ADGRE2: variants seen among roughly 807,000 people sequenced by gnomAD.
The protein encoded by ADGRE2 is adhesion G protein-coupled receptor E2, also known as CD97 antigen.
In ADGRE2, 83 loss-of-function variants were observed where a neutral mutation model predicts 100.8. The ratio of observed to expected loss-of-function variants is 0.82; its 90% CI spans 0.69 to 0.99. The LOEUF (loss-of-function observed/expected upper bound fraction) is 0.99. Among genes scored for constraint, ADGRE2 ranks in the 50% least tolerant of loss-of-function variants. The probability of loss-of-function intolerance (pLI) is 0.00; values close to 1 mark genes in which losing one functional copy is unlikely to be tolerated. For synonymous variants in ADGRE2, 355 were observed against 413.0 expected (o/e 0.86, Z 1.70); for missense variants, 814 against 1,035.7 (o/e 0.79, Z 2.94).
At position 14,743,627 on chromosome 19, in the gene ADGRE2, G is replaced by A. The variant is rs1290191706; in HGVS notation, c.2341C>T (p.Leu781Phe). 3.7e-6 allele frequency: 6 copies of A among 1,614,186 alleles called. No homozygotes were observed. Among genetic ancestry groups the A allele is most frequent in the Non-Finnish European group, 5.1e-6 (6 of 1,180,026 alleles). The change falls in exon 19 of 21, where the codon CTC (leucine) becomes TTC (phenylalanine). Residue 781 changes from leucine to phenylalanine, a missense_variant. This residue lies in a region of ADGRE2 where 569 missense variants were observed against 692.7 expected (regional missense o/e 0.82). Coordinates refer to ENST00000315576, the MANE Select transcript of ADGRE2 (RefSeq NM_013447.4). Reference sequence around the variant, plus strand: ...CTGGGCAGTGGTACCTGCTGGCTGAGGAGGCAGTACACCAGGAAGATGAAG... The same window carrying A: ...CTGGGCAGTGGTACCTGCTGGCTGAAGAGGCAGTACACCAGGAAGATGAAG... Reference protein sequence around the residue: ...GVFIFLVYCLLSQQVREQYGK... With the variant: ...GVFIFLVYCLFSQQVREQYGK...
intron 7 of ADGRE2, 101 bp from the exon 8 acceptor site, chr19:14,765,905 C>T (rs1450004420): frequency 3.7e-6 from 6 of 1,603,066 alleles, no homozygotes; most frequent in Admixed American, 1.7e-5. Context: ...TAGTGCCCCC[C>T]TTGGAGAGGT....
intron 18 of ADGRE2, among the ~76,000 whole-genome samples, chr19:14,744,240 T>C (rs112803267): frequency 0.15 from 14,698 of 100,108 alleles, 2,445 homozygotes; most frequent in African/African-American, 0.43. Flanking sequence ...AGCGAGACTC[T>C]GTCTCAAAAA....
chr19:14,751,939 T>A (rs1032426308), intron 15 of ADGRE2, among the ~76,000 whole-genome samples: 10 of 43,538 alleles, frequency 2.3e-4, no homozygotes, highest in African/African-American at 1.6e-3. Flanking sequence ...ATATTTTTTT[T>A]TTTTTTTTTT....
intron 11 of ADGRE2, among the ~76,000 whole-genome samples, chr19:14,760,652 C>T (rs1001557542): frequency 6.6e-6 from 1 of 152,058 alleles, no homozygotes; most frequent in Non-Finnish European, 1.5e-5. Flanking sequence ...CTCCCGCCCC[C>T]CTCAAAACCA....
chr19:14,765,183 G>T, intron 10 of ADGRE2, 137 bp downstream of exon 10: 1 of 852,768 alleles, frequency 1.2e-6, no homozygotes, highest in Non-Finnish European at 1.9e-6. Flanking sequence ...GCTTCCACCA[G>T]CCCTGAAAGA....
intron 11 of ADGRE2, among the ~76,000 whole-genome samples, chr19:14,763,775 C>T (rs372294024): frequency 1.5e-4 from 1 of 6,538 alleles, no homozygotes; most frequent in Non-Finnish European, 3.8e-4. Context: ...TCCTCCTCTC[C>T]TCCTCCTTTT....
intron 5 of ADGRE2, 195 bp downstream of exon 5, chr19:14,772,147 C>T (rs2044233910): frequency 1.1e-5 from 8 of 708,716 alleles, no homozygotes; most frequent in Non-Finnish European, 1.8e-5. Context: ...GTAGCTGGTC[C>T]CAGAGTTTTC....
rs1302660654 is a variant in ADGRE2, at chr19:14,736,345, C to T, written c.2464-101G>A. On this transcript the variant is annotated intron_variant, in intron 20 of 20. Transcript: ENST00000315576. ...GGCGCAGCCTCGACTCACTGTAACC[C>T]CCGCCTCCCAGGTTCAAGCAATTCT... 7 of 711,076 alleles carry T rather than the reference C, an allele frequency of 9.8e-6. No individual in the cohort carries two copies. The East Asian group carries it at 2.1e-4, about 21-fold the overall frequency. 44.0% of individuals were successfully genotyped at this position (711,076 alleles called of 1,614,324 possible).
intron 11 of ADGRE2, among the ~76,000 whole-genome samples, chr19:14,756,591 A>G (rs915762690): frequency 6.6e-6 from 1 of 152,242 alleles, no homozygotes; most frequent in Admixed American, 6.5e-5. Flanking sequence ...GAACAGACCT[A>G]TAACAGATTA....
At chr19:14,766,025 C>T in intron 7 of ADGRE2, 1 of 1,026,582 alleles carries the variant, frequency 9.7e-7, no homozygotes, top group Non-Finnish European at 1.4e-6. Flanking sequence ...GAGTCATCAG[C>T]TGTTGCCTGG....
In ADGRE2 at chr19:14,770,669, C is replaced by CTTTTTT. The variant is rs775214778; in HGVS notation, c.355+1667_355+1672dup. ...CTTTTTCTTTTTGTTTCTTTCTTTT[C>CTTTTTT]TTTTTTTTTTTTTTTTTTTTTTTTT... On this transcript the variant is annotated intron_variant, in intron 5 of 20. Transcript: ENST00000315576. 7.9e-4 allele frequency among the ~76,000 whole-genome samples: 67 copies of CTTTTTT among 84,978 alleles called. 2 individuals carry two copies. Among genetic ancestry groups the CTTTTTT allele is most frequent in the African/African-American group, 1.9e-3 (40 of 21,592 alleles). The allele number at this position is 84,978 out of a possible 152,430, so 55.7% of individuals were successfully genotyped here.
intron 14 of ADGRE2, 42 bp downstream of exon 14, chr19:14,754,912 A>C: frequency 1.3e-6 from 2 of 1,590,708 alleles, no homozygotes; most frequent in Non-Finnish European, 1.7e-6. Flanking sequence ...GATTTGTTAC[A>C]CGGCAATAAA....
chr19:14,731,064 C>G (rs1189203291), downstream of ADGRE2: 10 of 882,546 alleles, frequency 1.1e-5, no homozygotes, highest in Non-Finnish European at 1.8e-5. Flanking sequence ...ACATGCTGCC[C>G]TGGTCTCAAG....
At chr19:14,772,966 C>G (rs1396645703) in intron 4 of ADGRE2, among the ~76,000 whole-genome samples, 1 of 150,902 alleles carries the variant, frequency 6.6e-6, no homozygotes, top group Non-Finnish European at 1.5e-5. Context: ...GTAATCCCAG[C>G]TACTCGGGAG....
At chr19:14,770,617 C>A (rs1204174757) in intron 5 of ADGRE2, among the ~76,000 whole-genome samples, 2 of 151,688 alleles carry the variant, frequency 1.3e-5, no homozygotes, top group Non-Finnish European at 2.9e-5. Flanking sequence ...CTGTGTCTAC[C>A]TGGAGAGGAG....
intron 8 of ADGRE2, 30 bp downstream of exon 8, chr19:14,765,628 G>A (rs1371954938): frequency 4.3e-6 from 7 of 1,614,164 alleles, no homozygotes; most frequent in Non-Finnish European, 5.9e-6. Context: ...TGTGTGCTGG[G>A]GGTGGGGAGC....
chr19:14,776,942 G>T lies in ADGRE2; in HGVS notation c.-171-15C>A. 1 of 1,415,570 alleles carries T rather than the reference G, an allele frequency of 7.1e-7. No individual in the cohort carries two copies. Among genetic ancestry groups the T allele is most frequent in the Non-Finnish European group, 9.2e-7 (1 of 1,081,096 alleles). The allele number at this position is 1,415,570 out of a possible 1,614,324, so 87.7% of individuals were successfully genotyped here. A position where few individuals can be genotyped will look rare whatever the true frequency, so the allele number is the denominator to read the frequency against. On this transcript the variant is annotated splice_polypyrimidine_tract_variant and intron_variant, in intron 1 of 20. Coordinates refer to ENST00000315576, the MANE Select transcript of ADGRE2 (RefSeq NM_013447.4). ...TGGCGGTGCAGCTGGAAGCCAGCAG[G>T]AAAGCACAATAAAAACACAGAACCA... is the stretch of plus-strand genomic sequence containing the variant.
intron 10 of ADGRE2, among the ~76,000 whole-genome samples, 161 bp downstream of exon 10, chr19:14,765,159 T>C (rs996811944): frequency 2.0e-5 from 3 of 152,160 alleles, no homozygotes; most frequent in East Asian, 1.9e-4. Flanking sequence ...TTAAGTGCAC[T>C]TGGGTGTCCA....
intron 16 of ADGRE2, among the ~76,000 whole-genome samples, chr19:14,748,006 A>C (rs1314763009): frequency 6.6e-6 from 1 of 152,150 alleles, no homozygotes; most frequent in Non-Finnish European, 1.5e-5. Flanking sequence ...GTTCAGAGGT[A>C]CATTTTGTAG....
Sources: gnomAD v4.1 joint callset for allele counts (sites outside exome capture counted in the v4.1 genomes callset) on GRCh38, gnomAD v4.1.1 for gene constraint, gnomAD v4.1.1 regional missense constraint, MANE v1.5 for transcripts, NCBI Gene and HGNC (gene_info 2026-07-23, HGNC 2026-07-21) for gene names.